Variants in ERAP1 observed in about 807,000 individuals in gnomAD.
The protein encoded by ERAP1 is endoplasmic reticulum aminopeptidase 1, also known as adipocyte-derived leucine aminopeptidase.
In ERAP1, 86 loss-of-function variants were observed where a neutral mutation model predicts 103.7. The observed-to-expected ratio is 0.83, with a 90% confidence interval of 0.70 to 0.99. ERAP1 has a LOEUF of 0.99. Among genes scored for constraint, ERAP1 ranks in the 50% least tolerant of loss-of-function variants. ERAP1 has a pLI of 0.00. For synonymous variants in ERAP1, 398 were observed against 402.4 expected, an observed-to-expected ratio of 0.99 and a Z score of 0.13; for missense variants, 1,009 against 1,128.4, an observed-to-expected ratio of 0.89 and a Z score of 1.52.
At chr5:96,814,389 C>T in the ERAP1 span, 1 of 454,460 alleles carries the variant, frequency 2.2e-6, no homozygotes, top group Admixed American at 2.4e-5. Flanking sequence ...ACGTCTGCCA[C>T]ACTAATGTTA....
the ERAP1 span, among the ~76,000 whole-genome samples, chr5:96,886,254 G>T: frequency 6.6e-6 from 1 of 152,190 alleles, no homozygotes; most frequent in South Asian, 2.1e-4. Context: ...TTCCACAGGG[G>T]TGTACTTCTT....
chr5:96,857,848 A>G, the ERAP1 span, among the ~76,000 whole-genome samples: 5 of 152,232 alleles, frequency 3.3e-5, no homozygotes, highest in Non-Finnish European at 7.3e-5. Context: ...TCTAACTCTG[A>G]CTGAGCATAC....
the ERAP1 span, among the ~76,000 whole-genome samples, chr5:96,814,694 G>A: frequency 6.6e-6 from 1 of 152,178 alleles, no homozygotes; most frequent in Non-Finnish European, 1.5e-5. Flanking sequence ...GGAGAAAGAA[G>A]GCAGCTGACA....
upstream of ERAP1, among the ~76,000 whole-genome samples, chr5:96,809,392 A>T (rs1296572744): frequency 6.6e-6 from 1 of 152,192 alleles, no homozygotes; most frequent in Non-Finnish European, 1.5e-5. Flanking sequence ...CCATGGTCCT[A>T]GTGGGAACAG....
chr5:96,908,963 C>A, the ERAP1 span: 1 of 1,613,748 alleles, frequency 6.2e-7, no homozygotes, highest in Admixed American at 1.7e-5. Flanking sequence ...TACTTCAGTG[C>A]AGGGAGACTG....
At chr5:96,817,780 T>C in the ERAP1 span, among the ~76,000 whole-genome samples, 1 of 152,176 alleles carries the variant, frequency 6.6e-6, no homozygotes, top group East Asian at 1.9e-4. Flanking sequence ...CCCCACAAAA[T>C]GAATAGCTCA....
chr5:96,909,726 A>C, the ERAP1 span: 2 of 1,613,858 alleles, frequency 1.2e-6, no homozygotes, highest in Middle Eastern at 1.7e-4. Context: ...AAGCTGCTGA[A>C]CTCTTCTCCC....
intron 17 of ERAP1, 90 bp downstream of exon 17, chr5:96,780,968 A>G: frequency 6.2e-6 from 9 of 1,460,064 alleles, no homozygotes; most frequent in Non-Finnish European, 8.6e-6. Context: ...GTACCTTTAG[A>G]CTGTTACTGT....
the ERAP1 span, among the ~76,000 whole-genome samples, chr5:96,925,893 TACTC>T: frequency 2.0e-5 from 3 of 150,844 alleles, no homozygotes; most frequent in African/African-American, 7.3e-5. Context: ...TGAATGGAGA[TACTC>T]ACAGTATAAT....
the ERAP1 span, among the ~76,000 whole-genome samples, chr5:96,821,089 A>G: frequency 6.4e-4 from 97 of 152,330 alleles, 1 homozygote; most frequent in African/African-American, 2.2e-3. Context: ...ACCAAGGAAG[A>G]GTCAATGTTT....
intron 2 of ERAP1, among the ~76,000 whole-genome samples, chr5:96,801,852 G>A (rs1287693464): frequency 5.9e-4 from 6 of 10,142 alleles, no homozygotes; most frequent in South Asian, 2.7e-3. Flanking sequence ...ACTCCGTCTC[G>A]ACAAAAAAAA....
At chr5:96,887,136 T>C in the ERAP1 span, among the ~76,000 whole-genome samples, 1 of 149,590 alleles carries the variant, frequency 6.7e-6, no homozygotes, top group African/African-American at 2.4e-5. Context: ...CATACATATA[T>C]ACCCTTTGCA....
the ERAP1 span, chr5:96,917,813 G>A: frequency 3.8e-6 from 1 of 262,910 alleles, no homozygotes; most frequent in Non-Finnish European, 7.2e-6. Flanking sequence ...GGCTGCAGCA[G>A]GAAAATGGCA....
chr5:96,806,675 G>A (rs1778641067), intron 1 of ERAP1, among the ~76,000 whole-genome samples: 1 of 145,922 alleles, frequency 6.9e-6, no homozygotes, highest in Non-Finnish European at 1.5e-5. Flanking sequence ...TGTCTCCCAG[G>A]CTGGAGTGCA....
the ERAP1 span, chr5:96,879,415 T>A: frequency 2.8e-6 from 1 of 355,434 alleles, no homozygotes; most frequent in South Asian, 5.4e-5. Flanking sequence ...GATAACAGCT[T>A]AATTTCTGCT....
the ERAP1 span, chr5:96,900,378 C>T: frequency 3.9e-5 from 34 of 882,728 alleles, no homozygotes; most frequent in African/African-American, 4.5e-4. Flanking sequence ...GCTGTTGCTA[C>T]TATATTTTTG....
chr5:96,813,650 CAAAAAAAA>C, the ERAP1 span, among the ~76,000 whole-genome samples: 15 of 55,160 alleles, frequency 2.7e-4, no homozygotes, highest in Admixed American at 1.6e-3. Flanking sequence ...AGACTCATCT[CAAAAAAAA>C]AAAAAAAAAA....
At chr5:96,889,612 G>C in the ERAP1 span, 1 of 652,466 alleles carries the variant, frequency 1.5e-6, no homozygotes, top group South Asian at 1.8e-5. Context: ...CCAGGTAGAG[G>C]GTCCAGGAAA....
the ERAP1 span, among the ~76,000 whole-genome samples, chr5:96,869,587 G>T: frequency 6.6e-6 from 1 of 152,170 alleles, no homozygotes; most frequent in Non-Finnish European, 1.5e-5. Flanking sequence ...AGGGCTTGGG[G>T]TTTTTTGCTG....
Sources: gnomAD v4.1 joint callset for allele counts (sites outside exome capture counted in the v4.1 genomes callset) on GRCh38, gnomAD v4.1.1 for gene constraint, MANE v1.5 for transcripts, NCBI Gene and HGNC (gene_info 2026-07-23, HGNC 2026-07-21) for gene names.